NUBPL: variants seen among roughly 807,000 people sequenced by gnomAD.
NUBPL encodes the protein NUBP iron-sulfur cluster assembly factor, mitochondrial.
A neutral mutation model predicts 45.7 loss-of-function variants in NUBPL; 31 were observed. The observed-to-expected ratio is 0.68, with a 90% CI of 0.51 to 0.92. The LOEUF (loss-of-function observed/expected upper bound fraction) is 0.92, where lower values mean the gene tolerates loss of function less well. Ranked by LOEUF, NUBPL falls within the 40% of genes least tolerant of loss-of-function variation. The pLI is 0.00. For missense variants in NUBPL, 401 were observed against 398.7 expected, an observed-to-expected ratio of 1.01 and a Z score of -0.05; for synonymous variants, 144 against 140.9, an observed-to-expected ratio of 1.02 and a Z score of -0.15.
At chr14:31,740,591 G>A (rs920389547) in intron 6 of NUBPL, among the ~76,000 whole-genome samples, 10 of 152,088 alleles carry the variant, frequency 6.6e-5, no homozygotes, top group African/African-American at 1.9e-4. Flanking sequence ...ATTTTCTCCC[G>A]GTTTTTGGCT....
intron 4 of NUBPL, among the ~76,000 whole-genome samples, chr14:31,667,428 G>A (rs2036460315): frequency 6.6e-6 from 1 of 151,756 alleles, no homozygotes; most frequent in South Asian, 2.1e-4. Context: ...CTCTAAACTG[G>A]TTATTCTAGT....
intron 7 of NUBPL, among the ~76,000 whole-genome samples, chr14:31,805,431 A>G (rs1451653368): frequency 2.0e-5 from 3 of 152,172 alleles, no homozygotes; most frequent in African/African-American, 7.2e-5. Context: ...ACCTGAAGGA[A>G]TGTGAATCAT....
chr14:31,820,349 T>C (rs554172030), intron 7 of NUBPL, among the ~76,000 whole-genome samples: 1 of 152,218 alleles, frequency 6.6e-6, no homozygotes, highest in African/African-American at 2.4e-5. Context: ...TCATTAATGA[T>C]GGTATAAAGG....
intron 10 of NUBPL, among the ~76,000 whole-genome samples, chr14:31,852,005 C>G (rs1032118448): frequency 7.2e-5 from 11 of 152,208 alleles, no homozygotes; most frequent in African/African-American, 2.6e-4. Flanking sequence ...TGATTTAATA[C>G]TCTAAATAGC....
intron 7 of NUBPL, among the ~76,000 whole-genome samples, chr14:31,793,692 T>G (rs1340281542): frequency 6.6e-6 from 1 of 152,140 alleles, no homozygotes; most frequent in Admixed American, 6.6e-5. Context: ...TGCAAAAATT[T>G]TTTCCTATTT....
chr14:31,578,007 G>C (rs1364485051), intron 3 of NUBPL: 2 of 1,286,864 alleles, frequency 1.6e-6, no homozygotes, highest in East Asian at 1.1e-4. Context: ...CTGGCCCGTT[G>C]TTATGAACTC....
chr14:31,825,821 T>TC (rs2040092907), intron 7 of NUBPL, among the ~76,000 whole-genome samples: 1 of 135,992 alleles, frequency 7.4e-6, no homozygotes, highest in African/African-American at 3.6e-5. Context: ...TCCTCCTCCT[T>TC]CTTCTTCTTC....
intron 6 of NUBPL, among the ~76,000 whole-genome samples, chr14:31,704,337 A>G (rs539219429): frequency 7.6e-4 from 116 of 152,242 alleles, no homozygotes; most frequent in African/African-American, 2.7e-3. Context: ...GAGGATTTTT[A>G]TACTTATATT....
At chr14:31,820,870 C>T (rs2040007059) in intron 7 of NUBPL, among the ~76,000 whole-genome samples, 2 of 150,802 alleles carry the variant, frequency 1.3e-5, no homozygotes, top group African/African-American at 4.9e-5. Context: ...CCTGTAATCC[C>T]AGCACTTTGG....
intron 4 of NUBPL, among the ~76,000 whole-genome samples, chr14:31,639,567 C>G (rs939185173): frequency 6.6e-6 from 1 of 152,176 alleles, no homozygotes; most frequent in Non-Finnish European, 1.5e-5. Flanking sequence ...TCTGCCCGTT[C>G]TTAGATCTCC....
chr14:31,845,166 A>T (rs548514470), intron 8 of NUBPL: 13 of 152,144 alleles, frequency 8.5e-5, no homozygotes, highest in African/African-American at 3.1e-4. Context: ...AAATTCACAC[A>T]TAAGTGGACC....
chr14:31,840,575 CAAA>C (rs1179425932), intron 8 of NUBPL, among the ~76,000 whole-genome samples: 2 of 91,032 alleles, frequency 2.2e-5, no homozygotes, highest in Non-Finnish European at 2.2e-5. Flanking sequence ...CTCCACATCT[CAAA>C]AAAAAAAAAA....
At chr14:31,746,480 T>A (rs1353388212) in intron 6 of NUBPL, among the ~76,000 whole-genome samples, 1 of 152,048 alleles carries the variant, frequency 6.6e-6, no homozygotes, top group Non-Finnish European at 1.5e-5. Context: ...CAATGTGATG[T>A]GTCACAATTT....
intron 7 of NUBPL, among the ~76,000 whole-genome samples, chr14:31,814,223 A>G (rs539575360): frequency 1.3e-5 from 2 of 152,300 alleles, no homozygotes; most frequent in East Asian, 1.9e-4. Context: ...AATGATTGCC[A>G]TTCTAACTGG....
At chr14:31,659,115 GA>G (rs1400751714) in intron 4 of NUBPL, among the ~76,000 whole-genome samples, 3 of 152,130 alleles carry the variant, frequency 2.0e-5, no homozygotes, top group African/African-American at 7.2e-5. Flanking sequence ...CTGTAAAATG[GA>G]GATATTACTT....
intron 4 of NUBPL, among the ~76,000 whole-genome samples, chr14:31,637,660 C>G (rs866434055): frequency 3.9e-4 from 59 of 152,274 alleles, no homozygotes; most frequent in African/African-American, 1.3e-3. Context: ...CTTTCTGTCT[C>G]ATTGATCTGT....
chr14:31,829,723 G>T (rs189370706), intron 8 of NUBPL, among the ~76,000 whole-genome samples: 4 of 152,038 alleles, frequency 2.6e-5, no homozygotes, highest in African/African-American at 9.7e-5. Context: ...GGAATTCATC[G>T]GTATGGACAG....
intron 2 of NUBPL, among the ~76,000 whole-genome samples, chr14:31,564,288 C>G (rs976669349): frequency 6.6e-6 from 1 of 152,052 alleles, no homozygotes; most frequent in African/African-American, 2.4e-5. Flanking sequence ...ACTCTCTTAC[C>G]TTTTACCCTT....
chr14:31,620,712 C>T (rs1443812499), intron 4 of NUBPL, among the ~76,000 whole-genome samples: 1 of 152,200 alleles, frequency 6.6e-6, no homozygotes, highest in Non-Finnish European at 1.5e-5. Context: ...TATGAGGTGT[C>T]TGTTGGCCCC....
Sources: allele counts gnomAD v4.1 joint callset (sites outside exome capture counted in the v4.1 genomes callset), GRCh38; gene constraint gnomAD v4.1.1; transcripts MANE v1.5; gene names NCBI Gene and HGNC (gene_info 2026-07-23, HGNC 2026-07-21).